Variants in GLIS3 observed in about 807,000 individuals in gnomAD.
GLIS3 encodes the protein GLIS family zinc finger 3, also known as zinc finger protein GLIS3.
In GLIS3, 53 loss-of-function variants were observed where a neutral mutation model predicts 78.6. The observed-to-expected ratio is 0.67, with a 90% CI of 0.54 to 0.85. GLIS3 has a LOEUF of 0.85. Ranked by LOEUF, GLIS3 falls within the 40% of genes least tolerant of loss-of-function variation. The pLI, the probability that GLIS3 is intolerant of heterozygous loss-of-function variation, is 0.00. For missense variants in GLIS3, 1,703 were observed against 1,231.1 expected (o/e 1.38, Z -5.74); for synonymous variants, 684 against 509.9 (o/e 1.34, Z -4.60).
At chr9:4,160,769 T>A (rs1835410591) in intron 2 of GLIS3, among the ~76,000 whole-genome samples, 1 of 152,144 alleles carries the variant, frequency 6.6e-6, no homozygotes, top group Non-Finnish European at 1.5e-5. Flanking sequence ...CAAGTTAGGG[T>A]TTCAGATATA....
chr9:4,216,243 T>A (rs1010488363), intron 2 of GLIS3, among the ~76,000 whole-genome samples: 1 of 151,576 alleles, frequency 6.6e-6, no homozygotes, highest in African/African-American at 2.4e-5. Context: ...GAGGCCGAGG[T>A]GGGCAGATCA....
chr9:3,979,806 T>A (rs1819102811), intron 4 of GLIS3, among the ~76,000 whole-genome samples: 1 of 152,208 alleles, frequency 6.6e-6, no homozygotes, highest in African/African-American at 2.4e-5. Context: ...TTTAAAAAGA[T>A]AATTATTAAG....
chr9:3,902,762 T>C (rs1374804188), intron 6 of GLIS3, among the ~76,000 whole-genome samples: 1 of 152,236 alleles, frequency 6.6e-6, no homozygotes, highest in Non-Finnish European at 1.5e-5. Context: ...GAGAAACTAA[T>C]AGTTTTCTGT....
chr9:4,323,711 C>T (rs1817567713), intron 2 of GLIS3, among the ~76,000 whole-genome samples: 1 of 152,178 alleles, frequency 6.6e-6, no homozygotes, highest in South Asian at 2.1e-4. Context: ...CTCACATCTG[C>T]ATGATTGGGA....
At chr9:4,042,299 AG>A (rs1270866328) in intron 4 of GLIS3, among the ~76,000 whole-genome samples, 1 of 152,222 alleles carries the variant, frequency 6.6e-6, no homozygotes, top group African/African-American at 2.4e-5. Flanking sequence ...ATCAAGCCCA[AG>A]GGTCAGCAGA....
At chr9:3,924,941 C>A (rs1231143213) in intron 6 of GLIS3, among the ~76,000 whole-genome samples, 1 of 152,156 alleles carries the variant, frequency 6.6e-6, no homozygotes, top group Non-Finnish European at 1.5e-5. Flanking sequence ...TATCTAGGAA[C>A]TCTTTCCATA....
intron 9 of GLIS3, among the ~76,000 whole-genome samples, chr9:3,843,660 C>T (rs1490467222): frequency 6.6e-6 from 1 of 152,212 alleles, no homozygotes; most frequent in Admixed American, 6.5e-5. Context: ...ATTTATAAAA[C>T]ATATATTGAT....
chr9:4,042,647 GT>G (rs1364782158), intron 4 of GLIS3, among the ~76,000 whole-genome samples: 3 of 152,030 alleles, frequency 2.0e-5, no homozygotes, highest in African/African-American at 7.3e-5. Context: ...GAAACATTTG[GT>G]TAATTAACAT....
chr9:4,489,772 G>C, the GLIS3 span, among the ~76,000 whole-genome samples: 3 of 152,180 alleles, frequency 2.0e-5, no homozygotes, highest in Non-Finnish European at 4.4e-5. Context: ...TGGTCACAGA[G>C]CAAGTCCCAA....
chr9:4,338,212 G>A (rs959768470), intron 2 of GLIS3, among the ~76,000 whole-genome samples: 5 of 152,182 alleles, frequency 3.3e-5, no homozygotes, highest in East Asian at 1.9e-4. Flanking sequence ...CTGCTGCTAT[G>A]TGTTGGCAGT....
At chr9:4,463,520 T>A in the GLIS3 span, among the ~76,000 whole-genome samples, 1 of 152,190 alleles carries the variant, frequency 6.6e-6, no homozygotes, top group Non-Finnish European at 1.5e-5. Flanking sequence ...ATCTCAGGCA[T>A]CAAGGAAATA....
chr9:4,037,777 A>G (rs1265175332), intron 4 of GLIS3, among the ~76,000 whole-genome samples: 1 of 152,186 alleles, frequency 6.6e-6, no homozygotes, highest in Non-Finnish European at 1.5e-5. Flanking sequence ...ATTAATTTGC[A>G]GTATCTCTCC....
At chr9:4,470,561 T>G in the GLIS3 span, among the ~76,000 whole-genome samples, 1 of 152,192 alleles carries the variant, frequency 6.6e-6, no homozygotes, top group Non-Finnish European at 1.5e-5. Context: ...ACAATCTTCA[T>G]GCTAAAAACT....
intron 2 of GLIS3, among the ~76,000 whole-genome samples, chr9:4,150,579 G>C (rs946769986): frequency 1.2e-4 from 18 of 152,136 alleles, no homozygotes; most frequent in Admixed American, 1.1e-3. Flanking sequence ...AATCACATCA[G>C]AAAACCTTTA....
At chr9:3,835,985 A>C (rs751943765) in intron 9 of GLIS3, among the ~76,000 whole-genome samples, 1 of 152,188 alleles carries the variant, frequency 6.6e-6, no homozygotes, top group South Asian at 2.1e-4. Flanking sequence ...ACAATAGAAA[A>C]TTTTCTTTAC....
intron 9 of GLIS3, among the ~76,000 whole-genome samples, chr9:3,838,691 C>T (rs1374874598): frequency 6.6e-6 from 1 of 152,132 alleles, no homozygotes; most frequent in Non-Finnish European, 1.5e-5. Context: ...GTTATGAATT[C>T]CCCCAACCAA....
At chr9:4,051,041 C>G (rs958028474) in intron 4 of GLIS3, among the ~76,000 whole-genome samples, 1 of 152,194 alleles carries the variant, frequency 6.6e-6, no homozygotes, top group Non-Finnish European at 1.5e-5. Flanking sequence ...ACTACTAAGG[C>G]ACATGTTTCA....
At chr9:3,833,245 C>G (rs1002111689) in intron 9 of GLIS3, among the ~76,000 whole-genome samples, 1 of 152,138 alleles carries the variant, frequency 6.6e-6, no homozygotes, top group East Asian at 1.9e-4. Context: ...AAAGAAAATC[C>G]TCTTTATTAA....
At chr9:3,892,574 T>C (rs1351262598) in intron 7 of GLIS3, among the ~76,000 whole-genome samples, 4 of 152,198 alleles carry the variant, frequency 2.6e-5, no homozygotes, top group Non-Finnish European at 5.9e-5. Flanking sequence ...TAATGTCCCT[T>C]AATTTAGAGT....
Sources: allele counts gnomAD v4.1 joint callset (sites outside exome capture counted in the v4.1 genomes callset), GRCh38; gene constraint gnomAD v4.1.1; transcripts MANE v1.5; gene names NCBI Gene and HGNC (gene_info 2026-07-23, HGNC 2026-07-21).